Variants in SNX24 observed in about 807,000 individuals in gnomAD.
SNX24 encodes sorting nexin-24.
A neutral mutation model predicts 28.7 loss-of-function variants in SNX24; 22 were observed. The observed-to-expected ratio is 0.77, with a 90% CI of 0.55 to 1.10. The LOEUF is 1.10. Ranked by LOEUF, SNX24 falls within the 50% of genes least tolerant of loss-of-function variation. SNX24 has a pLI of 0.00. For synonymous variants in SNX24, 69 were observed against 71.5 expected, an observed-to-expected ratio of 0.96 and a Z score of 0.18; for missense variants, 221 against 201.1, an observed-to-expected ratio of 1.10 and a Z score of -0.60.
chr5:122,963,259 C>T (rs1283611573), intron 3 of SNX24, among the ~76,000 whole-genome samples: 2 of 152,126 alleles, frequency 1.3e-5, no homozygotes, highest in Non-Finnish European at 2.9e-5. Context: ...AATTAATTCT[C>T]CTCTAGAGCT....
At chr5:122,981,024 G>A (rs1404565786) in intron 3 of SNX24, among the ~76,000 whole-genome samples, 1 of 152,034 alleles carries the variant, frequency 6.6e-6, no homozygotes, top group Non-Finnish European at 1.5e-5. Context: ...GAATATACTT[G>A]AATACTTCTA....
chr5:123,014,708 C>T (rs77503584), intron 5 of SNX24, among the ~76,000 whole-genome samples: 4,112 of 152,170 alleles, frequency 0.027, 93 homozygotes, highest in Non-Finnish European at 0.038. Flanking sequence ...ATATCACTCT[C>T]TTGCTCAAAG....
intron 1 of SNX24, among the ~76,000 whole-genome samples, chr5:122,919,615 A>G (rs192840736): frequency 1.2e-4 from 18 of 152,232 alleles, no homozygotes; most frequent in Non-Finnish European, 2.4e-4. Context: ...AAATATCCCA[A>G]TGGTGGATTA....
At chr5:122,896,549 TCTATTGTTACATTAC>T (rs1402836237) in intron 1 of SNX24, among the ~76,000 whole-genome samples, 1 of 152,160 alleles carries the variant, frequency 6.6e-6, no homozygotes, top group Non-Finnish European at 1.5e-5. Context: ...CCCTTTTATT[TCTATTGTTACATTAC>T]CTATAGTTAC....
chr5:122,913,486 A>T (rs1171863087), intron 1 of SNX24, among the ~76,000 whole-genome samples: 2 of 148,598 alleles, frequency 1.3e-5, no homozygotes, highest in Admixed American at 1.3e-4. Flanking sequence ...CCTGGCGTAG[A>T]CGCTCCTCAC....
chr5:122,875,066 CT>C (rs1756163779), intron 1 of SNX24, among the ~76,000 whole-genome samples: 2 of 152,162 alleles, frequency 1.3e-5, no homozygotes, highest in African/African-American at 4.8e-5. Flanking sequence ...CCATAAGCCC[CT>C]CTCCTGTTCT....
intron 1 of SNX24, among the ~76,000 whole-genome samples, chr5:122,885,296 A>T (rs1053057905): frequency 8.5e-5 from 13 of 152,238 alleles, no homozygotes; most frequent in Non-Finnish European, 1.3e-4. Context: ...CCTCTAGAGC[A>T]GAAACCTGTT....
chr5:122,948,391 A>C (rs1241439662), intron 3 of SNX24, among the ~76,000 whole-genome samples: 5 of 152,264 alleles, frequency 3.3e-5, no homozygotes, highest in Non-Finnish European at 7.4e-5. Context: ...TCCTGCCACT[A>C]ACCTGTCTTG....
At position 122,889,954 on chromosome 5, in the gene SNX24, C is replaced by T. The variant is rs1218279989; in HGVS notation, c.60+44261C>T. On this transcript the variant is annotated intron_variant, in intron 1 of 6. Coordinates refer to ENST00000261369, the MANE Select transcript of SNX24 (RefSeq NM_014035.4). The stretch of plus-strand genomic sequence containing the variant: ...TTGCTGGTACAAGATCCAAATAGTA[C>T]ATTATATTTACTTGCCATGTCTTTT... Among the ~76,000 whole-genome samples, 5 of 148,722 alleles carry T rather than the reference C, an allele frequency of 3.4e-5. No homozygotes were observed. The Admixed American group carries it at 3.4e-4, about 10-fold the overall frequency.
chr5:122,999,727 A>G (rs1031826643), intron 3 of SNX24, among the ~76,000 whole-genome samples, 185 bp from the exon 4 acceptor site: 4 of 152,164 alleles, frequency 2.6e-5, no homozygotes, highest in Admixed American at 2.6e-4. Flanking sequence ...TTTGCCGGCA[A>G]TCCCTAGCAT....
intron 1 of SNX24, among the ~76,000 whole-genome samples, chr5:122,895,033 C>G (rs1464064601): frequency 6.8e-6 from 1 of 146,938 alleles, no homozygotes; most frequent in Non-Finnish European, 1.5e-5. Flanking sequence ...TTAAACAGAG[C>G]ACTTTCTAAA....
chr5:122,966,022 A>G (rs1384671119), intron 3 of SNX24, among the ~76,000 whole-genome samples: 2 of 152,246 alleles, frequency 1.3e-5, no homozygotes, highest in African/African-American at 4.8e-5. Context: ...CCTCTGGCAT[A>G]TCAAAAAGGA....
chr5:122,959,378 T>C (rs40818), intron 3 of SNX24, among the ~76,000 whole-genome samples: 114,447 of 148,700 alleles, frequency 0.77, 44,913 homozygotes, highest in East Asian at 0.99. Context: ...TTTTATTTTA[T>C]ATATATATAA....
At chr5:122,872,900 A>C (rs905511193) in intron 1 of SNX24, among the ~76,000 whole-genome samples, 1 of 151,330 alleles carries the variant, frequency 6.6e-6, no homozygotes, top group Non-Finnish European at 1.5e-5. Flanking sequence ...TTTGACTCCT[A>C]TCAGTGTTCG....
intron 1 of SNX24, among the ~76,000 whole-genome samples, chr5:122,885,127 C>G (rs567372883): frequency 6.6e-6 from 1 of 152,110 alleles, no homozygotes; most frequent in Non-Finnish European, 1.5e-5. Context: ...CTTCCTGCCT[C>G]TGTGAGAATG....
chr5:122,922,354 G>A (rs976766121), intron 1 of SNX24, among the ~76,000 whole-genome samples: 3 of 152,108 alleles, frequency 2.0e-5, no homozygotes, highest in African/African-American at 7.2e-5. Flanking sequence ...CCAGATTCAA[G>A]CAATTCTCCT....
chr5:122,990,613 T>A lies in SNX24; in HGVS notation c.250-9299T>A, dbSNP rs149329492. Among the ~76,000 whole-genome samples the A allele has an allele frequency of 7.2e-5, 11 of 152,288 alleles. No individual in the cohort carries two copies. In the East Asian group the frequency reaches 2.1e-3, roughly 29 times the overall value. ...AAAAACATCAATTCATCAACACATA[T>A]GGGCTGTGCTAATTGTAAATCTTTT... On this transcript the variant is annotated intron_variant, in intron 3 of 6. Transcript: ENST00000261369.
At chr5:122,971,675 G>C (rs1172586899) in intron 3 of SNX24, among the ~76,000 whole-genome samples, 1 of 152,174 alleles carries the variant, frequency 6.6e-6, no homozygotes, top group African/African-American at 2.4e-5. Flanking sequence ...AAGGGAAAAA[G>C]AAAGGAAATA....
At chr5:122,904,004 C>G (rs945876230) in intron 1 of SNX24, among the ~76,000 whole-genome samples, 1 of 151,986 alleles carries the variant, frequency 6.6e-6, no homozygotes, top group Non-Finnish European at 1.5e-5. Flanking sequence ...TCTAATTGGT[C>G]CTACGGTTAA....
Sources: gnomAD v4.1 joint callset for allele counts (sites outside exome capture counted in the v4.1 genomes callset) on GRCh38, gnomAD v4.1.1 for gene constraint, MANE v1.5 for transcripts, NCBI Gene and HGNC (gene_info 2026-07-23, HGNC 2026-07-21) for gene names.